Variants in NR4A3 observed in about 807,000 individuals in gnomAD.
NR4A3 encodes chondrosarcoma, extraskeletal myxoid, fused to EWS.
NR4A3 carries 13 observed loss-of-function variants against 55.6 expected under a neutral mutation model. That is an observed-to-expected ratio of 0.23 (90% CI 0.15 to 0.37). The LOEUF is 0.37. NR4A3 is among the 10% of genes least tolerant of loss of function. The pLI, the probability that NR4A3 is intolerant of heterozygous loss-of-function variation, is 1.00. For synonymous variants in NR4A3, 342 were observed against 357.9 expected (o/e 0.96, Z 0.50); for missense variants, 646 against 822.8 (o/e 0.79, Z 2.63).
intron 5 of NR4A3, chr9:99,834,908 A>C: frequency 1.0e-6 from 1 of 985,072 alleles, no homozygotes; most frequent in Non-Finnish European, 1.2e-6. Context: ...ATAATAGTGT[A>C]AGAGAATAAA....
chr9:99,842,103 C>G (rs923459440), intron 5 of NR4A3, among the ~76,000 whole-genome samples: 3 of 142,518 alleles, frequency 2.1e-5, no homozygotes, highest in South Asian at 2.2e-4. Context: ...TAGCTGGACT[C>G]TCTGATTTTT....
At chr9:99,838,545 A>G (rs1827599161) in intron 5 of NR4A3, among the ~76,000 whole-genome samples, 1 of 152,260 alleles carries the variant, frequency 6.6e-6, no homozygotes, top group Non-Finnish European at 1.5e-5. Context: ...CAGTTTCCTG[A>G]TCCAAATGGT....
rs1051975698 is a variant in NR4A3, at chr9:99,865,650, A to G, written c.*1783A>G. On this transcript the variant is annotated 3_prime_UTR_variant, in exon 8 of 8. Coordinates refer to ENST00000395097, the MANE Select transcript of NR4A3 (RefSeq NM_006981.4). This position sits in a 1 kb window ranked among gnomAD's most constrained non-coding sequence, Gnocchi z 4.3. Reference sequence around the variant, plus strand: ...ATCATTTTTGCTTTAGTCTTTTTAAAGGAAAATAACAAAACTATGCTGTTT... The same window carrying G: ...ATCATTTTTGCTTTAGTCTTTTTAAGGGAAAATAACAAAACTATGCTGTTT... 1 of 194,566 alleles carries G rather than the reference A, an allele frequency of 5.1e-6. No individual in the cohort carries two copies. The highest frequency in any genetic ancestry group is 1.9e-4 in the South Asian group (1 of 5,202). 12.1% of individuals were successfully genotyped at this position (194,566 alleles called of 1,614,324 possible).
At chr9:99,860,998 T>A (rs2118174647) in intron 7 of NR4A3, among the ~76,000 whole-genome samples, 1 of 152,362 alleles carries the variant, frequency 6.6e-6, no homozygotes, top group African/African-American at 2.4e-5. Flanking sequence ...CAGCAAAGGC[T>A]GTGTATCTGC....
intron 2 of NR4A3, among the ~76,000 whole-genome samples, chr9:99,827,360 C>T (rs765890797): frequency 6.6e-6 from 1 of 151,918 alleles, no homozygotes; most frequent in Non-Finnish European, 1.5e-5. Context: ...GGTACAAACT[C>T]TCCCGAGTCA....
intron 2 of NR4A3, chr9:99,826,747 T>C (rs758564245): frequency 6.2e-7 from 1 of 1,613,526 alleles, no homozygotes; most frequent in South Asian, 1.1e-5. Flanking sequence ...TCACCTTTTT[T>C]CAAGTCAAGA....
At chr9:99,836,897 A>G (rs1174902013) in intron 5 of NR4A3, among the ~76,000 whole-genome samples, 1 of 152,206 alleles carries the variant, frequency 6.6e-6, no homozygotes, top group East Asian at 1.9e-4. Context: ...AATAATAATC[A>G]TTCTAACTGG....
At chr9:99,839,787 T>A (rs369836170) in intron 5 of NR4A3, among the ~76,000 whole-genome samples, 220 of 152,300 alleles carry the variant, frequency 1.4e-3, no homozygotes, top group African/African-American at 4.6e-3. Flanking sequence ...TTTAAAAAAA[T>A]CTTTTTGCAT....
chr9:99,826,613 A>T, intron 2 of NR4A3: 1 of 633,960 alleles, frequency 1.6e-6, no homozygotes, highest in Non-Finnish European at 2.8e-6. Flanking sequence ...ATTTCATCCC[A>T]ACAACTGGAC....
At chr9:99,826,936 C>A in intron 2 of NR4A3, 5 of 665,950 alleles carry the variant, frequency 7.5e-6, no homozygotes, top group Non-Finnish European at 1.3e-5. Context: ...CAAAAACCGC[C>A]GTTTTTTACC....
At chr9:99,862,391 A>G (rs1756517994) in intron 7 of NR4A3, among the ~76,000 whole-genome samples, 3 of 151,612 alleles carry the variant, frequency 2.0e-5, no homozygotes. Flanking sequence ...TGAAAATACA[A>G]AAAATTAGCT....
chr9:99,859,598 G>T (rs1454318200), intron 7 of NR4A3, among the ~76,000 whole-genome samples: 8 of 152,224 alleles, frequency 5.3e-5, no homozygotes, highest in African/African-American at 1.4e-4. Context: ...GATCCAGCTG[G>T]CAGGAGGTAT....
intron 6 of NR4A3, 59 bp from the exon 7 acceptor site, chr9:99,847,378 T>C: frequency 6.6e-7 from 1 of 1,520,566 alleles, no homozygotes. Flanking sequence ...GTCATAATGT[T>C]ATCATGTTGG....
intron 5 of NR4A3, among the ~76,000 whole-genome samples, chr9:99,840,608 A>G (rs1827634631): frequency 6.6e-6 from 1 of 152,220 alleles, no homozygotes; most frequent in Non-Finnish European, 1.5e-5. Context: ...GCCAGAAGTA[A>G]TCTTAGGGAT....
In NR4A3 at chr9:99,864,220, G is replaced by A. The variant is rs1056244384; in HGVS notation, c.*353G>A. 40 of 264,074 alleles carry A rather than the reference G, an allele frequency of 1.5e-4. No homozygotes were observed. The highest frequency in any genetic ancestry group is 8.5e-4 in the African/African-American group (39 of 46,002). 16.4% of individuals were successfully genotyped at this position (264,074 alleles called of 1,614,324 possible). A position where few individuals can be genotyped will look rare whatever the true frequency, so the allele number is the denominator to read the frequency against. ...ATAACTGTTTTAAAACTCTTTCTGGGGAATCCAATTATAGTTGCTTTGTAT... is the reference window on the plus strand; with the variant it reads ...ATAACTGTTTTAAAACTCTTTCTGGAGAATCCAATTATAGTTGCTTTGTAT... On this transcript the variant is annotated 3_prime_UTR_variant, in exon 8 of 8. Transcript: ENST00000395097.
chr9:99,856,029 C>T (rs1254897328), intron 7 of NR4A3, among the ~76,000 whole-genome samples: 1 of 152,028 alleles, frequency 6.6e-6, no homozygotes, highest in African/African-American at 2.4e-5. Context: ...TAGCAGCGGT[C>T]CCCAGCATTT....
intron 5 of NR4A3, among the ~76,000 whole-genome samples, chr9:99,841,969 CA>C (rs796405214): frequency 1.5e-3 from 227 of 151,242 alleles, no homozygotes; most frequent in African/African-American, 4.7e-3. Flanking sequence ...GACCCTGTCT[CA>C]AAAAAAAATT....
intron 6 of NR4A3, among the ~76,000 whole-genome samples, chr9:99,846,295 C>T (rs1015589636): frequency 7.2e-5 from 11 of 152,236 alleles, no homozygotes; most frequent in Admixed American, 5.9e-4. Flanking sequence ...GTGTACTGGG[C>T]ACCATGCATG....
chr9:99,828,814 C>T lies in NR4A3; in HGVS notation c.772C>T (p.Pro258Ser). 6.8e-7 allele frequency: 1 copy of T among 1,474,002 alleles called. No individual in the cohort carries two copies. The highest frequency in any genetic ancestry group is 9.0e-7 in the Non-Finnish European group (1 of 1,116,768). The allele number at this position is 1,474,002 out of a possible 1,614,324, so 91.3% of individuals were successfully genotyped here. ...AKRAAPLAFP[P>S]LGLTPSPTAS... ...GAGGGCGGCCCCGCTGGCCTTCCCG[C>T]CTCTCGGCCTCACGCCCTCCCCTAC... The change falls in exon 3 of 8, where the codon CCT becomes TCT. Residue 258 changes from proline (P) to serine (S), a missense_variant. By Grantham distance (74) the Pro-to-Ser change is moderately conservative (BLOSUM62 -1). Around this residue, in one of 5 missense-constraint regions of NR4A3, gnomAD observed 426 missense variants for 429.4 expected, o/e 0.99. Coordinates refer to ENST00000395097, the MANE Select transcript of NR4A3 (RefSeq NM_006981.4). The surrounding 1 kb of genome is among the most constrained non-coding windows in gnomAD (Gnocchi z 7.7).
Sources: gnomAD v4.1 joint callset for allele counts (sites outside exome capture counted in the v4.1 genomes callset) on GRCh38, gnomAD v4.1.1 for gene constraint, gnomAD v4.1.1 regional missense constraint, Gnocchi (gnomAD v3.1) non-coding constraint, MANE v1.5 for transcripts, NCBI Gene and HGNC (gene_info 2026-07-23, HGNC 2026-07-21) for gene names.